Variants in MYT1L observed in about 807,000 individuals in gnomAD.
MYT1L encodes myelin transcription factor 1 like, also known as myelin transcription factor 1-like protein.
MYT1L carries 12 observed loss-of-function variants against 126.7 expected under a neutral mutation model. The observed-to-expected ratio is 0.09, with a 90% CI of 0.06 to 0.15. The LOEUF is 0.15. Among genes scored for constraint, MYT1L ranks in the 10% least tolerant of loss-of-function variants. MYT1L has a pLI of 1.00. For missense variants in MYT1L, 979 were observed against 1,585.2 expected (o/e 0.62, Z 6.49); for synonymous variants, 541 against 604.2 (o/e 0.90, Z 1.53).
chr2:2,004,653 G>GCGTGCCTTCT (rs2062960301), intron 4 of MYT1L, among the ~76,000 whole-genome samples: 1 of 75,120 alleles, frequency 1.3e-5, no homozygotes, highest in Admixed American at 1.1e-4. Context: ...ATTCTTTCCT[G>GCGTGCCTTCT]CGTGCCTTCT....
chr2:1,892,665 C>G (rs771929426), intron 14 of MYT1L, among the ~76,000 whole-genome samples: 50 of 152,130 alleles, frequency 3.3e-4, no homozygotes, highest in Middle Eastern at 3.4e-3. Context: ...CTGGGAATTC[C>G]AGCCCAGTCA....
intron 2 of MYT1L, among the ~76,000 whole-genome samples, chr2:2,204,688 G>A (rs1291726908): frequency 6.6e-6 from 1 of 151,540 alleles, no homozygotes; most frequent in African/African-American, 2.4e-5. Flanking sequence ...TTCAACCACT[G>A]TGGAAGTCAG....
intron 4 of MYT1L, among the ~76,000 whole-genome samples, chr2:2,046,264 A>G (rs1451380204): frequency 6.6e-6 from 1 of 152,154 alleles, no homozygotes; most frequent in Admixed American, 6.5e-5. Context: ...TAATACACAA[A>G]TCATAACATT....
intron 4 of MYT1L, among the ~76,000 whole-genome samples, chr2:2,007,961 C>T (rs2063483434): frequency 6.6e-6 from 1 of 152,170 alleles, no homozygotes; most frequent in African/African-American, 2.4e-5. Flanking sequence ...AAGGTGTGGA[C>T]ATTCATGATG....
At position 2,120,932 on chromosome 2, in the gene MYT1L, C is replaced by G. The variant is rs78193336; in HGVS notation, c.-304+51940G>C. 9.6e-3 allele frequency among the ~76,000 whole-genome samples: 1,467 copies of G among 152,070 alleles called. 29 individuals are homozygous for G. Among genetic ancestry groups the G allele is most frequent in the African/African-American group, 0.033 (1,371 of 41,470 alleles). On this transcript the variant is annotated intron_variant, in intron 3 of 24. Coordinates refer to ENST00000647738, the MANE Select transcript of MYT1L (RefSeq NM_001303052.2). ...AATCTCAGGAATCCTGCAGACTCCC[C>G]CGAAGTCCATTTCCAGTGAACCTGT...
intron 3 of MYT1L, among the ~76,000 whole-genome samples, chr2:2,151,966 G>C (rs973671042): frequency 2.0e-5 from 3 of 152,180 alleles, no homozygotes; most frequent in Admixed American, 1.3e-4. Context: ...TGAGGCAGGA[G>C]AATCACTTGA....
chr2:2,231,652 T>C (rs1026862585), intron 2 of MYT1L, among the ~76,000 whole-genome samples: 1 of 152,072 alleles, frequency 6.6e-6, no homozygotes, highest in African/African-American at 2.4e-5. Context: ...CTTGCCATGT[T>C]GCTCAGGCTG....
At chr2:1,956,140 T>C (rs2058326777) in intron 8 of MYT1L, among the ~76,000 whole-genome samples, 1 of 152,132 alleles carries the variant, frequency 6.6e-6, no homozygotes, top group Non-Finnish European at 1.5e-5. Flanking sequence ...CCTACCTATG[T>C]CTATCTACCT....
At chr2:1,834,919 G>T (rs1345253307) in intron 21 of MYT1L, among the ~76,000 whole-genome samples, 1 of 126,038 alleles carries the variant, frequency 7.9e-6, no homozygotes, top group South Asian at 2.3e-4. Context: ...CACATACCAC[G>T]GGGATGGATA....
intron 2 of MYT1L, among the ~76,000 whole-genome samples, chr2:2,178,481 C>A (rs775768518): frequency 6.6e-6 from 1 of 152,152 alleles, no homozygotes; most frequent in Non-Finnish European, 1.5e-5. Context: ...AAAATAGAGG[C>A]AATTAGAACA....
rs188588408 is a variant in MYT1L, at chr2:1,954,475, T to G, written c.153-11141A>C. ...CATACGTCCACACCAGTGCTCTACA[T>G]CAGGAAGGTGCTAGGACACACTGAA... On this transcript the variant is annotated intron_variant, in intron 8 of 24. Transcript: ENST00000647738. 7.9e-4 allele frequency among the ~76,000 whole-genome samples: 121 copies of G among 152,252 alleles called. 1 individual carries two copies. The highest frequency in any genetic ancestry group is 1.5e-3 in the Non-Finnish European group (100 of 68,022).
intron 3 of MYT1L, among the ~76,000 whole-genome samples, chr2:2,137,442 C>T (rs1393611022): frequency 6.6e-6 from 1 of 152,204 alleles, no homozygotes; most frequent in Non-Finnish European, 1.5e-5. Flanking sequence ...TCAAACTATA[C>T]TACAAGGCTA....
At position 2,228,400 on chromosome 2, in the gene MYT1L, A is replaced by G. The variant is rs544507293; in HGVS notation, c.-420-55412T>C. On this transcript the variant is annotated intron_variant, in intron 2 of 24. Coordinates refer to ENST00000647738, the MANE Select transcript of MYT1L (RefSeq NM_001303052.2). This position sits in a 1 kb window ranked among gnomAD's most constrained non-coding sequence, Gnocchi z 5.9. ...CTTACCATTGTGTTAGATTTTGAATACTGTAGTGAATGAATGTCTTATCCA... is the reference window on the plus strand; with the variant it reads ...CTTACCATTGTGTTAGATTTTGAATGCTGTAGTGAATGAATGTCTTATCCA... 3.9e-5 allele frequency among the ~76,000 whole-genome samples: 6 copies of G among 152,348 alleles called. No homozygotes were observed. The South Asian group carries it at 1.2e-3, about 32-fold the overall frequency.
intron 10 of MYT1L, among the ~76,000 whole-genome samples, chr2:1,919,292 C>CACCGTT (rs2053257904): frequency 6.6e-6 from 1 of 152,178 alleles, no homozygotes; most frequent in African/African-American, 2.4e-5. Context: ...TATTTGCCTT[C>CACCGTT]ACCGTTACCT....
At chr2:1,867,455 C>A (rs1052489526) in intron 18 of MYT1L, among the ~76,000 whole-genome samples, 11 of 152,300 alleles carry the variant, frequency 7.2e-5, no homozygotes, top group Non-Finnish European at 1.5e-4. Flanking sequence ...GGTTTTCCTG[C>A]ACTACTAATC....
rs112531862 is a variant in MYT1L at position 2,266,515 on chromosome 2, C to A, written c.-421+17889G>T. 1.3e-5 allele frequency among the ~76,000 whole-genome samples: 2 copies of A among 152,278 alleles called. 1 individual carries two copies. Among genetic ancestry groups the A allele is most frequent in the African/African-American group, 4.8e-5 (2 of 41,566 alleles). The stretch of plus-strand genomic sequence containing the variant: ...GGTGGGGTGGGGTGAGGGACCACAG[C>A]ATTTCGCAGTGGCTCCATGTGCTAC... On this transcript the variant is annotated intron_variant, in intron 2 of 24. Transcript: ENST00000647738.
intron 1 of MYT1L, among the ~76,000 whole-genome samples, chr2:2,312,752 A>T (rs2095995534): frequency 6.6e-6 from 1 of 152,198 alleles, no homozygotes; most frequent in Non-Finnish European, 1.5e-5. Context: ...CATTAGGCTA[A>T]CCAAGGACAG....
intron 18 of MYT1L, among the ~76,000 whole-genome samples, chr2:1,872,461 T>G (rs2046391190): frequency 6.6e-6 from 1 of 152,228 alleles, no homozygotes; most frequent in Non-Finnish European, 1.5e-5. Flanking sequence ...GCCATGGGCT[T>G]GTGGGCTGGT....
In MYT1L at chr2:1,835,393, A is replaced by T. The variant is rs180728580; in HGVS notation, c.3080+3756T>A. ...ATTGAATACTCTATGAAAGTGAAAA[A>T]GAATGGTTGCATGGATACTCAAAGC... On this transcript the variant is annotated intron_variant, in intron 21 of 24. Coordinates refer to ENST00000647738, the MANE Select transcript of MYT1L (RefSeq NM_001303052.2). 1.4e-4 allele frequency among the ~76,000 whole-genome samples: 21 copies of T among 152,318 alleles called. No homozygotes were observed. In the East Asian group the frequency reaches 3.3e-3, roughly 24 times the overall value.
Sources: gnomAD v4.1 joint callset for allele counts (sites outside exome capture counted in the v4.1 genomes callset) on GRCh38, gnomAD v4.1.1 for gene constraint, Gnocchi (gnomAD v3.1) non-coding constraint, MANE v1.5 for transcripts, NCBI Gene and HGNC (gene_info 2026-07-23, HGNC 2026-07-21) for gene names.